The following EEA1 variants were observed in gnomAD, a reference collection of about 807,000 sequenced individuals.
The protein encoded by EEA1 is early endosome antigen 1, 162kD.
EEA1 carries 111 observed loss-of-function variants against 209.2 expected under a neutral mutation model. The ratio of observed to expected loss-of-function variants is 0.53; its 90% confidence interval spans 0.45 to 0.62. EEA1 has a LOEUF of 0.62. EEA1 is among the 20% of genes least tolerant of loss of function. The probability of loss-of-function intolerance (pLI) is 0.00; values close to 1 mark genes in which losing one functional copy is unlikely to be tolerated. For synonymous variants in EEA1, 536 were observed against 540.6 expected (o/e 0.99, Z 0.12); for missense variants, 1,343 against 1,530.8 (o/e 0.88, Z 2.05).
intron 10 of EEA1, among the ~76,000 whole-genome samples, chr12:92,839,316 G>A (rs1877061488): frequency 6.6e-6 from 1 of 152,126 alleles, no homozygotes; most frequent in Non-Finnish European, 1.5e-5. Context: ...ATGTTACAGT[G>A]TACAAAAAGT....
chr12:92,898,524 C>T (rs958541781), intron 1 of EEA1, among the ~76,000 whole-genome samples: 2 of 151,808 alleles, frequency 1.3e-5, no homozygotes, highest in Non-Finnish European at 2.9e-5. Flanking sequence ...ATTAGCTGGG[C>T]ATGGTGGTGC....
At chr12:92,852,140 TAA>T (rs746289255) in intron 8 of EEA1, 33 bp downstream of exon 8, 1 of 1,511,860 alleles carries the variant, frequency 6.6e-7, no homozygotes, top group South Asian at 1.3e-5. Flanking sequence ...TAGAAAGGTA[TAA>T]GAGTACATCT....
Position 92,923,596 on chromosome 12 carries a change from G to A in EEA1, c.24+5447C>T, listed in dbSNP as rs80032616. ...AAGACTTCCACAATCTCTATTCCTT[G>A]CCCTCCCCTACCACACCCCCTCTCC... On this transcript the variant is annotated intron_variant, in intron 1 of 28. Coordinates refer to ENST00000322349, the MANE Select transcript of EEA1 (RefSeq NM_003566.4). Among the ~76,000 whole-genome samples the A allele has an allele frequency of 5.9e-3, 900 of 151,870 alleles. 11 individuals carry two copies. The highest frequency in any genetic ancestry group is 0.021 in the African/African-American group (851 of 41,382).
rs1168517852 is a variant in EEA1, at chr12:92,813,083, T to G, written c.1940A>C (p.Lys647Thr). Residue 647 changes from lysine to threonine, a missense_variant, in exon 16 of 29, where the codon AAA (lysine) becomes ACA (threonine). By Grantham distance (78) the Lys-to-Thr change is moderately conservative. Around this residue, in one of 3 missense-constraint regions of EEA1, gnomAD observed 1,307 missense variants for 1,465.5 expected, o/e 0.89. Coordinates refer to ENST00000322349, the MANE Select transcript of EEA1 (RefSeq NM_003566.4). ...TTCTGCTGATAGTAATAGTTCGGTT[T>G]TGGCTTTAATCTGTAACAGCATTTA... ...VSQLDIQIKA[K>T]TELLLSAEAA... The G allele has an allele frequency of 6.3e-7, 1 of 1,584,632 alleles. No homozygotes were observed. Among genetic ancestry groups the G allele is most frequent in the Admixed American group, 1.7e-5 (1 of 59,104 alleles).
In EEA1 at chr12:92,914,503, T is replaced by C. The variant is rs375987432; in HGVS notation, c.24+14540A>G. ...ATTTTAGAATTGTTTTTTCTAATTC[T>C]ATGAAAAACAATGTTGGTAATCTGA... On this transcript the variant is annotated intron_variant, in intron 1 of 28. Transcript: ENST00000322349. 1.2e-4 allele frequency among the ~76,000 whole-genome samples: 19 copies of C among 152,252 alleles called. 1 individual carries two copies. In the East Asian group the frequency reaches 3.5e-3, roughly 28 times the overall value.
At chr12:92,882,725 T>A (rs952245705) in intron 2 of EEA1, among the ~76,000 whole-genome samples, 7 of 152,232 alleles carry the variant, frequency 4.6e-5, no homozygotes, top group African/African-American at 1.7e-4. Flanking sequence ...TCTAGCTGCA[T>A]CAGTATTCCT....
chr12:92,888,592 AAAC>A (rs946974191), intron 2 of EEA1, among the ~76,000 whole-genome samples: 2,292 of 146,700 alleles, frequency 0.016, 69 homozygotes, highest in African/African-American at 0.054. Flanking sequence ...ACAAACAAAC[AAAC>A]AAAAAAAAAA....
Position 92,772,807 on chromosome 12 carries a change from T to G in EEA1, c.*3204A>C, listed in dbSNP as rs1873487367. ...CATGCATAAGTATCTACAGAACTTA[T>G]GAATATATGATCCAGTTCAAGGAAT... On this transcript the variant is annotated 3_prime_UTR_variant, in exon 29 of 29. Coordinates refer to ENST00000322349, the MANE Select transcript of EEA1 (RefSeq NM_003566.4). 1 of 152,268 alleles carries G rather than the reference T, an allele frequency of 6.6e-6. No individual in the cohort carries two copies. 9.4% of individuals were successfully genotyped at this position (152,268 alleles called of 1,614,324 possible).
rs1873602324 is a variant in EEA1 at position 92,775,177 on chromosome 12, T to C, written c.*834A>G. 6.6e-6 allele frequency: 1 copy of C among 151,616 alleles called. No individual in the cohort carries two copies. Among genetic ancestry groups the C allele is most frequent in the Admixed American group, 6.6e-5 (1 of 15,186 alleles). The allele number at this position is 151,616 out of a possible 1,614,324, so 9.4% of individuals were successfully genotyped here. Reference sequence around the variant, plus strand: ...CCGAGAATAAGAACATTATACAATGTTTATTATTCATCCTCCAACTGACAG... The same window carrying C: ...CCGAGAATAAGAACATTATACAATGCTTATTATTCATCCTCCAACTGACAG... On this transcript the variant is annotated 3_prime_UTR_variant, in exon 29 of 29. Coordinates refer to ENST00000322349, the MANE Select transcript of EEA1 (RefSeq NM_003566.4).
intron 3 of EEA1, chr12:92,858,615 C>T: frequency 1.4e-6 from 1 of 735,682 alleles, no homozygotes. Context: ...CTGGGTTATG[C>T]CCTGATTCTA....
chr12:92,845,661 C>A (rs977966802), intron 9 of EEA1, among the ~76,000 whole-genome samples: 1 of 152,266 alleles, frequency 6.6e-6, no homozygotes, highest in East Asian at 1.9e-4. Context: ...CTTCCACTAC[C>A]GCCCATATGC....
Position 92,850,985 on chromosome 12 carries a change from C to T in EEA1, c.798+126G>A, listed in dbSNP as rs118015900. The T allele has an allele frequency of 9.9e-4, 906 of 919,022 alleles. 22 individuals are homozygous for T. In the East Asian group the frequency reaches 0.022, roughly 22 times the overall value. The allele number at this position is 919,022 out of a possible 1,614,324, so 56.9% of individuals were successfully genotyped here. On this transcript the variant is annotated intron_variant, in intron 9 of 28. Coordinates refer to ENST00000322349, the MANE Select transcript of EEA1 (RefSeq NM_003566.4). Reference sequence around the variant, plus strand: ...GACTATAAACAAATATTATTCAGATCAAAAATGAAAGAAAGACAAATATTT... The same window carrying T: ...GACTATAAACAAATATTATTCAGATTAAAAATGAAAGAAAGACAAATATTT...
intron 1 of EEA1, among the ~76,000 whole-genome samples, chr12:92,923,872 A>G (rs1346277622): frequency 6.6e-6 from 1 of 151,414 alleles, no homozygotes; most frequent in Non-Finnish European, 1.5e-5. Context: ...AATGGAGATT[A>G]GAAAAATAAA....
intron 12 of EEA1, 151 bp downstream of exon 12, chr12:92,827,761 A>G: frequency 4.2e-6 from 3 of 722,628 alleles, no homozygotes; most frequent in Non-Finnish European, 6.3e-6. Context: ...AAATGACTTA[A>G]TGTAGTTAAT....
chr12:92,902,813 C>A (rs1169736282), intron 1 of EEA1, among the ~76,000 whole-genome samples: 1 of 151,696 alleles, frequency 6.6e-6, no homozygotes, highest in Non-Finnish European at 1.5e-5. Context: ...AGAGCTTTTC[C>A]AGGTAGAGAT....
intron 26 of EEA1, 57 bp downstream of exon 26, chr12:92,777,884 G>A (rs1458312091): frequency 6.6e-7 from 1 of 1,508,588 alleles, no homozygotes; most frequent in Non-Finnish European, 9.1e-7. Flanking sequence ...TATGGAATAT[G>A]ACAATCTTTT....
intron 19 of EEA1, 47 bp from the exon 20 acceptor site, chr12:92,801,748 C>A: frequency 7.6e-7 from 1 of 1,315,632 alleles, no homozygotes; most frequent in Non-Finnish European, 1.0e-6. Context: ...TTTGTAATAA[C>A]CTTAAGAAGT....
intron 1 of EEA1, among the ~76,000 whole-genome samples, chr12:92,908,657 A>G (rs1309158931): frequency 1.3e-5 from 2 of 152,188 alleles, no homozygotes; most frequent in South Asian, 4.1e-4. Flanking sequence ...AATCTTAGCC[A>G]TAATATTCAT....
chr12:92,885,698 A>C (rs1879351841), intron 2 of EEA1, among the ~76,000 whole-genome samples: 1 of 152,172 alleles, frequency 6.6e-6, no homozygotes, highest in African/African-American at 2.4e-5. Flanking sequence ...GATCATGACA[A>C]AGTTTTTCAT....
Sources: gnomAD v4.1 joint callset for allele counts (sites outside exome capture counted in the v4.1 genomes callset) on GRCh38, gnomAD v4.1.1 for gene constraint, gnomAD v4.1.1 regional missense constraint, MANE v1.5 for transcripts, NCBI Gene and HGNC (gene_info 2026-07-23, HGNC 2026-07-21) for gene names.